CEP72: variants seen among roughly 807,000 people sequenced by gnomAD.
CEP72 encodes centrosomal protein 72.
In CEP72, 78 loss-of-function variants were observed where a neutral mutation model predicts 65.7. That is an observed-to-expected ratio of 1.19 (90% CI 0.99 to 1.43). The LOEUF (loss-of-function observed/expected upper bound fraction) is 1.43, where lower values mean the gene tolerates loss of function less well. Among genes scored for constraint, CEP72 ranks in the 40% most tolerant of loss-of-function variants. The pLI is 0.00. For missense variants in CEP72, 914 were observed against 832.9 expected (o/e 1.10, Z -1.20); for synonymous variants, 358 against 351.7 (o/e 1.02, Z -0.20).
chr5:633,669 T>C, intron 4 of CEP72, 100 bp from the exon 5 acceptor site: 1 of 1,164,312 alleles, frequency 8.6e-7, no homozygotes, highest in Admixed American at 1.9e-5. Flanking sequence ...GCACGCTGCT[T>C]CTCTCAGAGA....
chr5:632,579 A>G (rs376018189), intron 4 of CEP72, among the ~76,000 whole-genome samples: 7 of 1,308 alleles, frequency 5.4e-3, no homozygotes, highest in Admixed American at 0.017. Flanking sequence ...CCGGGATTTG[A>G]CCCAGTCCTG....
At chr5:660,201 GCA>G (rs1491440982), downstream of CEP72, 1 of 111,018 alleles carries the variant, frequency 9.0e-6, no homozygotes, top group Non-Finnish European at 1.7e-5. Context: ...AAAATATATT[GCA>G]CATATATATA....
chr5:637,049 G>A (rs537249257), intron 6 of CEP72, among the ~76,000 whole-genome samples: 2 of 152,206 alleles, frequency 1.3e-5, no homozygotes, highest in South Asian at 2.1e-4. Context: ...GCCTTCCCCC[G>A]GGTCTTGTGT....
intron 11 of CEP72, among the ~76,000 whole-genome samples, chr5:649,763 GTGAGGCGTGGACTGTGAGGTGTGAC>G (rs1441903306): frequency 5.5e-5 from 4 of 73,214 alleles, no homozygotes; most frequent in Admixed American, 1.3e-4. Context: ...AGGTGTGACT[GTGAGGCGTGGACTGTGAGGTGTGAC>G]TGAGGTGTGA....
rs1001102032 is a variant in CEP72 at position 633,844 on chromosome 5, A to T, written c.588A>T (p.Ala196=). The change falls in exon 5 of 12, where the codon GCA becomes GCT. Residue 196 remains alanine, a synonymous_variant. Transcript: ENST00000264935. ...QSLVMDADDE[A]VLNLIAECEW... ...TGGTCATGGATGCGGATGACGAGGCAGTCCTGAACCTCATTGCAGAGTGCG... is the reference window on the plus strand; with the variant it reads ...TGGTCATGGATGCGGATGACGAGGCTGTCCTGAACCTCATTGCAGAGTGCG... The T allele has an allele frequency of 5.0e-6, 8 of 1,614,046 alleles. No homozygotes were observed. The highest frequency in any genetic ancestry group is 6.8e-6 in the Non-Finnish European group (8 of 1,180,046).
chr5:616,450 C>G (rs1318790833), intron 1 of CEP72, among the ~76,000 whole-genome samples: 1 of 151,846 alleles, frequency 6.6e-6, no homozygotes, highest in East Asian at 1.9e-4. Flanking sequence ...GTTCTGTGTT[C>G]TCTCTTGGTG....
chr5:658,530 TTCTGA>T (rs1482605688), downstream of CEP72, among the ~76,000 whole-genome samples: 10 of 152,328 alleles, frequency 6.6e-5, no homozygotes, highest in African/African-American at 2.4e-4. Flanking sequence ...TCTTTTCAAT[TTCTGA>T]TCTGATCTAT....
chr5:674,967 T>C, the CEP72 span, among the ~76,000 whole-genome samples: 1 of 142,256 alleles, frequency 7.0e-6, no homozygotes, highest in Non-Finnish European at 1.5e-5. Flanking sequence ...GCCCTGAGAG[T>C]CAGTCCACAA....
At chr5:665,409 G>T in intron 3 of CEP72, 1 of 958,310 alleles carries the variant, frequency 1.0e-6, no homozygotes, top group Non-Finnish European at 1.5e-6. Flanking sequence ...TGGGCAAGGG[G>T]CATAAACCCT....
chr5:659,901 G>A (rs966280838), downstream of CEP72: 13 of 152,322 alleles, frequency 8.5e-5, no homozygotes, highest in African/African-American at 3.1e-4. Context: ...TTACCAACTT[G>A]ACACACAATG....
chr5:655,966 T>C (rs998714517), downstream of CEP72, among the ~76,000 whole-genome samples: 1 of 152,206 alleles, frequency 6.6e-6, no homozygotes, highest in Non-Finnish European at 1.5e-5. The surrounding 1 kb of genome is among the most constrained non-coding windows in gnomAD (Gnocchi z 5.0). Flanking sequence ...GCATTTTGGA[T>C]CCTAATTTTT....
At chr5:652,899 T>C in intron 11 of CEP72, 89 bp from the exon 12 acceptor site, 1 of 1,382,620 alleles carries the variant, frequency 7.2e-7, no homozygotes, top group Non-Finnish European at 9.6e-7. Flanking sequence ...TTCGTGCCCA[T>C]GCAGGGAGGT....
chr5:669,135 C>G (rs1348178269), downstream of CEP72, among the ~76,000 whole-genome samples: 1 of 152,230 alleles, frequency 6.6e-6, no homozygotes, highest in Non-Finnish European at 1.5e-5. Flanking sequence ...GAGCGGAGGC[C>G]TCGCTGTGTC....
At chr5:667,090 T>G (rs1739949039) in exon 5 of CEP72, 1 of 152,224 alleles carries the variant, frequency 6.6e-6, no homozygotes, top group Non-Finnish European at 1.5e-5. Context: ...CCAGCAAGCC[T>G]TTCCAGAAGT....
At chr5:666,208 A>G (rs1697964) in intron 4 of CEP72, 893,342 of 1,468,740 alleles carry the variant, frequency 0.61, 275,750 homozygotes, top group African/African-American at 0.89. Flanking sequence ...AGAGCTGGAC[A>G]GCCATGGCCC....
chr5:670,952 C>T (rs1371244667), downstream of CEP72, among the ~76,000 whole-genome samples: 3 of 152,330 alleles, frequency 2.0e-5, no homozygotes, highest in African/African-American at 4.8e-5. Context: ...CTGCACCCTA[C>T]TTGGCTCAGA....
intron 3 of CEP72, among the ~76,000 whole-genome samples, chr5:621,841 T>G (rs1274024182): frequency 6.6e-6 from 1 of 152,246 alleles, no homozygotes; most frequent in Non-Finnish European, 1.5e-5. Flanking sequence ...TGGCGTGATC[T>G]TAGCTCACTG....
chr5:663,077 T>G (rs1011627602), intron 1 of CEP72: 2 of 104,432 alleles, frequency 1.9e-5, no homozygotes, highest in Non-Finnish European at 4.4e-5. Context: ...TTCCGATGAC[T>G]GCTTGTCTGT....
At chr5:669,064 A>C (rs893715010), downstream of CEP72, among the ~76,000 whole-genome samples, 3 of 152,194 alleles carry the variant, frequency 2.0e-5, 1 homozygote, top group Non-Finnish European at 4.4e-5. Context: ...GCTGAGAAAC[A>C]CACCAAGTGC....
Sources: allele counts gnomAD v4.1 joint callset (sites outside exome capture counted in the v4.1 genomes callset), GRCh38; gene constraint gnomAD v4.1.1; non-coding constraint Gnocchi (gnomAD v3.1); transcripts MANE v1.5; gene names NCBI Gene and HGNC (gene_info 2026-07-23, HGNC 2026-07-21).